The following DLGAP2 variants were observed in gnomAD, a reference collection of about 807,000 sequenced individuals.
The protein encoded by DLGAP2 is DLG associated protein 2, also known as disks large-associated protein 2.
In DLGAP2, 26 loss-of-function variants were observed where a neutral mutation model predicts 100.3. That is an observed-to-expected ratio of 0.26 (90% CI 0.19 to 0.36). The LOEUF (loss-of-function observed/expected upper bound fraction) is 0.36. Ranked by LOEUF, DLGAP2 falls within the 10% of genes least tolerant of loss-of-function variation. The pLI is 1.00. For missense variants in DLGAP2, 1,858 were observed against 1,453.2 expected (o/e 1.28, Z -4.53); for synonymous variants, 886 against 630.1 (o/e 1.41, Z -6.08).
At chr8:1,040,992 G>A (rs549245808) in intron 2 of DLGAP2, among the ~76,000 whole-genome samples, 1 of 152,238 alleles carries the variant, frequency 6.6e-6, no homozygotes, top group Admixed American at 6.5e-5. Flanking sequence ...ACATACATAG[G>A]ACATACCAAA....
chr8:930,391 A>G (rs1365424170), intron 2 of DLGAP2, among the ~76,000 whole-genome samples: 1 of 152,244 alleles, frequency 6.6e-6, no homozygotes, highest in African/African-American at 2.4e-5. Flanking sequence ...ACATGAACGA[A>G]GAGTTCCTGT....
chr8:1,146,516 G>A (rs1171608281), intron 2 of DLGAP2, among the ~76,000 whole-genome samples: 7 of 152,202 alleles, frequency 4.6e-5, no homozygotes, highest in South Asian at 2.1e-4. Context: ...TTCTGGAAGC[G>A]TTCCTGCGTG....
intron 3 of DLGAP2, among the ~76,000 whole-genome samples, chr8:1,430,019 T>TATATATAC (rs1797376104): frequency 1.1e-5 from 1 of 93,552 alleles, no homozygotes; most frequent in Non-Finnish European, 2.1e-5. Context: ...TATATATATA[T>TATATATAC]ATATATATAC....
intron 6 of DLGAP2, among the ~76,000 whole-genome samples, chr8:1,589,177 G>A (rs886571346): frequency 4.6e-5 from 7 of 152,178 alleles, no homozygotes; most frequent in African/African-American, 1.7e-4. Context: ...CAAAAAGCAT[G>A]TAGCACTAAA....
chr8:916,195 G>A (rs185210199), intron 2 of DLGAP2, among the ~76,000 whole-genome samples: 43 of 152,322 alleles, frequency 2.8e-4, no homozygotes, highest in African/African-American at 9.9e-4. Context: ...CGTATTTGTA[G>A]GTTACCTTAA....
At chr8:1,252,918 G>A (rs1019965263) in intron 2 of DLGAP2, among the ~76,000 whole-genome samples, 1 of 152,224 alleles carries the variant, frequency 6.6e-6, no homozygotes, top group Admixed American at 6.5e-5. Flanking sequence ...GGGAGGCAGA[G>A]GAGGACAGAG....
Position 1,003,601 on chromosome 8 carries a change from C to G in DLGAP2, c.73+95635C>G, listed in dbSNP as rs185550374. ...TTCCTGATGGCCAAGGTTGCCCAGG[C>G]TCAGCTGGGCGGCTCTTCTGCTCTG... On this transcript the variant is annotated intron_variant, in intron 2 of 14. Coordinates refer to ENST00000637795, the MANE Select transcript of DLGAP2 (RefSeq NM_001346810.2). Among the ~76,000 whole-genome samples the G allele has an allele frequency of 1.6e-4, 25 of 152,340 alleles. No individual in the cohort carries two copies. The East Asian group carries it at 4.1e-3, about 25-fold the overall frequency.
At chr8:1,657,444 C>A (rs1798310448) in intron 8 of DLGAP2, among the ~76,000 whole-genome samples, 1 of 152,244 alleles carries the variant, frequency 6.6e-6, no homozygotes, top group Non-Finnish European at 1.5e-5. Context: ...CACCATCCAA[C>A]TGAATGGCTG....
chr8:1,449,725 C>G (rs181819157), intron 3 of DLGAP2, among the ~76,000 whole-genome samples: 5 of 152,330 alleles, frequency 3.3e-5, no homozygotes, highest in Non-Finnish European at 7.3e-5. Flanking sequence ...CAGGACAAGC[C>G]TTGCTGTAAG....
chr8:1,693,395 C>G (rs1585070303), intron 13 of DLGAP2, among the ~76,000 whole-genome samples: 1 of 151,442 alleles, frequency 6.6e-6, no homozygotes, highest in Non-Finnish European at 1.5e-5. Context: ...TACATGTATA[C>G]TTTTCCTTGG....
intron 1 of DLGAP2, among the ~76,000 whole-genome samples, chr8:837,565 C>T (rs1029470579): frequency 6.6e-6 from 1 of 151,942 alleles, no homozygotes; most frequent in Non-Finnish European, 1.5e-5. Flanking sequence ...CCTGCCTGAC[C>T]TAAGGCCGTG....
At chr8:1,468,666 G>C (rs549726098) in intron 3 of DLGAP2, among the ~76,000 whole-genome samples, 4 of 152,158 alleles carry the variant, frequency 2.6e-5, no homozygotes, top group Non-Finnish European at 5.9e-5. Flanking sequence ...TTATTTACTG[G>C]GGCTGCCGTA....
At chr8:1,128,690 A>G (rs923366146) in intron 2 of DLGAP2, among the ~76,000 whole-genome samples, 1 of 152,220 alleles carries the variant, frequency 6.6e-6, no homozygotes, top group African/African-American at 2.4e-5. Flanking sequence ...AGATTGATTT[A>G]GCTACTTGGT....
intron 3 of DLGAP2, among the ~76,000 whole-genome samples, chr8:1,319,005 T>G (rs1800833536): frequency 6.6e-6 from 1 of 152,060 alleles, no homozygotes; most frequent in African/African-American, 2.4e-5. Flanking sequence ...TTCAGGAGAT[T>G]TAGGTGGTGT....
intron 4 of DLGAP2, among the ~76,000 whole-genome samples, chr8:1,509,193 T>C (rs1800065280): frequency 1.3e-5 from 2 of 151,900 alleles, no homozygotes; most frequent in Non-Finnish European, 2.9e-5. Flanking sequence ...TAGCCGGGCA[T>C]GGTGGCGGGC....
rs562874042 is a variant in DLGAP2 at position 1,421,789 on chromosome 8, C to A, written c.107-79577C>A. 4.6e-5 allele frequency among the ~76,000 whole-genome samples: 7 copies of A among 152,024 alleles called. No individual in the cohort carries two copies. In the South Asian group the frequency reaches 1.2e-3, roughly 27 times the overall value. ...GACCAGCCTGGCCAACATGGTGAAACCCCGTCTCTACTATAAATACAAAAA... is the reference window on the plus strand; with the variant it reads ...GACCAGCCTGGCCAACATGGTGAAAACCCGTCTCTACTATAAATACAAAAA... On this transcript the variant is annotated intron_variant, in intron 3 of 14. Coordinates refer to ENST00000637795, the MANE Select transcript of DLGAP2 (RefSeq NM_001346810.2).
intron 3 of DLGAP2, among the ~76,000 whole-genome samples, chr8:1,272,349 A>C (rs993123483): frequency 1.3e-5 from 2 of 152,124 alleles, no homozygotes; most frequent in Non-Finnish European, 2.9e-5. Flanking sequence ...GGGCCAAGGA[A>C]TTTCCAAAAA....
intron 10 of DLGAP2, among the ~76,000 whole-genome samples, chr8:1,672,983 C>G (rs1407756917): frequency 6.6e-6 from 1 of 152,250 alleles, no homozygotes; most frequent in Middle Eastern, 3.2e-3. Flanking sequence ...ATTTTCTCAG[C>G]AGCCCTACAG....
chr8:1,305,813 A>G (rs1800476511), intron 3 of DLGAP2, among the ~76,000 whole-genome samples: 1 of 152,210 alleles, frequency 6.6e-6, no homozygotes, highest in Admixed American at 6.5e-5. Flanking sequence ...CGCCCCACTC[A>G]ACAGCAGATG....
Sources: gnomAD v4.1 joint callset for allele counts (sites outside exome capture counted in the v4.1 genomes callset) on GRCh38, gnomAD v4.1.1 for gene constraint, MANE v1.5 for transcripts, NCBI Gene and HGNC (gene_info 2026-07-23, HGNC 2026-07-21) for gene names.